The following ABCA4 variants were observed in gnomAD, a reference collection of about 807,000 sequenced individuals.
ABCA4 encodes the protein retinal-specific phospholipid-transporting ATPase ABCA4.
A neutral mutation model predicts 263.7 loss-of-function variants in ABCA4; 196 were observed. The ratio of observed to expected loss-of-function variants is 0.74; its 90% CI spans 0.66 to 0.84. The LOEUF (loss-of-function observed/expected upper bound fraction) is 0.84. ABCA4 is among the 40% of genes least tolerant of loss of function. The pLI is 0.00. For missense variants in ABCA4, 2,792 were observed against 2,855.1 expected, an observed-to-expected ratio of 0.98 and a Z score of 0.50; for synonymous variants, 1,133 against 1,094.2, an observed-to-expected ratio of 1.04 and a Z score of -0.70.
At chr1:94,021,820 C>T in intron 33 of ABCA4, 26 bp downstream of exon 33, 1 of 1,612,798 alleles carries the variant, frequency 6.2e-7, no homozygotes, top group Non-Finnish European at 8.5e-7. Flanking sequence ...AAAAATCCTA[C>T]TCAAATCTCC....
chr1:93,993,139 G>T lies in ABCA4; in HGVS notation c.*98C>A. 3.3e-6 allele frequency: 5 copies of T among 1,516,550 alleles called. No individual in the cohort carries two copies. The highest frequency in any genetic ancestry group is 2.3e-5 in the East Asian group (1 of 44,324). 93.9% of individuals were successfully genotyped at this position (1,516,550 alleles called of 1,614,324 possible). A position where few individuals can be genotyped will look rare whatever the true frequency, so the allele number is the denominator to read the frequency against. On this transcript the variant is annotated 3_prime_UTR_variant, in exon 50 of 50. Coordinates refer to ENST00000370225, the MANE Select transcript of ABCA4 (RefSeq NM_000350.3). ...TTTCTGCTGCAGTGGGGTCATTTACGCTGGCCAGTCCATTTGGATGACCAT... is the reference window on the plus strand; with the variant it reads ...TTTCTGCTGCAGTGGGGTCATTTACTCTGGCCAGTCCATTTGGATGACCAT...
At chr1:94,066,516 A>G (rs1661271401) in intron 11 of ABCA4, among the ~76,000 whole-genome samples, 1 of 152,272 alleles carries the variant, frequency 6.6e-6, no homozygotes, top group Non-Finnish European at 1.5e-5. Flanking sequence ...TGACACACAC[A>G]TAGAATGTTC....
At position 94,021,665 on chromosome 1, in the gene ABCA4, T is replaced by C. The variant is rs151145662; in HGVS notation, c.4823A>G (p.His1608Arg). 7 of 1,612,888 alleles carry C rather than the reference T, an allele frequency of 4.3e-6. No individual in the cohort carries two copies. The highest frequency in any genetic ancestry group is 1.1e-5 in the South Asian group (1 of 90,944). ...CTTAATGTTGTCTTCAGTTTCTAGA[T>C]GTTTAAGGAAATCAGGTATTTCTTT... ...ASKEIPDFLKHLETEDNIKVW... is the reference protein window; with the variant it reads ...ASKEIPDFLKRLETEDNIKVW... The change falls in exon 34 of 50, where the codon CAT (histidine) becomes CGT (arginine). Residue 1608 changes from histidine (H) to arginine (R), a missense_variant. His to Arg is a conservative substitution (Grantham distance 29, BLOSUM62 0). Coordinates refer to ENST00000370225, the MANE Select transcript of ABCA4 (RefSeq NM_000350.3).
chr1:94,103,107 C>A lies in ABCA4; in HGVS notation c.478G>T (p.Glu160Ter), dbSNP rs1064793005. The A allele has an allele frequency of 6.2e-7, 1 of 1,614,002 alleles. No individual in the cohort carries two copies. The highest frequency in any genetic ancestry group is 8.5e-7 in the Non-Finnish European group (1 of 1,179,890). ...ATGAGAAATAGTGTCAGTGTTTCTT[C>A]ATCTTTCAAGATATCCCTTATTCGT... is the stretch of plus-strand genomic sequence containing the variant. ...GIRIRDILKD[E>*]ETLTLFLIKN... The change falls in exon 5 of 50, where the codon GAA becomes TAA. Residue 160 changes from glutamate (E) to a stop codon, truncating the protein, a stop_gained. Transcript: ENST00000370225. LOFTEE classifies it high-confidence loss of function.
chr1:94,053,596 T>C (rs762038052), intron 16 of ABCA4, among the ~76,000 whole-genome samples: 1 of 152,180 alleles, frequency 6.6e-6, no homozygotes, highest in Non-Finnish European at 1.5e-5. Context: ...AAGATGGCCA[T>C]GTAAGACAGG....
chr1:94,099,731 A>G (rs1044773371), intron 5 of ABCA4, among the ~76,000 whole-genome samples: 1 of 152,252 alleles, frequency 6.6e-6, no homozygotes, highest in African/African-American at 2.4e-5. Flanking sequence ...GGGACCGAAT[A>G]GAACACAATT....
intron 6 of ABCA4, among the ~76,000 whole-genome samples, chr1:94,085,083 G>A (rs1266065912): frequency 6.6e-6 from 1 of 152,180 alleles, no homozygotes; most frequent in Non-Finnish European, 1.5e-5. Context: ...GACATGAAAT[G>A]GGTATTAGGT....
chr1:94,078,027 C>T, intron 10 of ABCA4, 140 bp from the exon 11 acceptor site: 1 of 774,502 alleles, frequency 1.3e-6, no homozygotes, highest in Non-Finnish European at 2.1e-6. Flanking sequence ...GCTTGTTCCA[C>T]TATGAAACAT....
chr1:94,038,781 G>T (rs1660410492), intron 24 of ABCA4, among the ~76,000 whole-genome samples: 1 of 152,108 alleles, frequency 6.6e-6, no homozygotes, highest in South Asian at 2.1e-4. Context: ...AGGGCTTTGG[G>T]CATCTGGGAG....
At chr1:94,023,685 T>C (rs1395225626) in intron 31 of ABCA4, among the ~76,000 whole-genome samples, 3 of 152,190 alleles carry the variant, frequency 2.0e-5, no homozygotes, top group Non-Finnish European at 4.4e-5. Context: ...TGTCAGGTCA[T>C]ATGTCAGGTC....
At chr1:94,014,217 G>A (rs1377308620) in intron 38 of ABCA4, among the ~76,000 whole-genome samples, 1 of 151,606 alleles carries the variant, frequency 6.6e-6, no homozygotes. Flanking sequence ...TGGAGGGAGG[G>A]ATGGAGGGAG....
Position 94,023,050 on chromosome 1 carries a change from G to A in ABCA4, c.4667+336C>T, listed in dbSNP as rs958599847. ...AAGCTTAAAAGGAATGGGCCAAGGA[G>A]TGTCCCGGGTTTAGGCTACAAGGCC... On this transcript the variant is annotated intron_variant, in intron 32 of 49. Coordinates refer to ENST00000370225, the MANE Select transcript of ABCA4 (RefSeq NM_000350.3). Among the ~76,000 whole-genome samples the A allele has an allele frequency of 3.3e-5, 5 of 152,214 alleles. No individual in the cohort carries two copies. The East Asian group carries it at 5.8e-4, about 18-fold the overall frequency.
At chr1:93,998,713 A>ATTTATTTTATTTTATTTTATTTTAT (rs374404349) in intron 47 of ABCA4, among the ~76,000 whole-genome samples, 24 of 133,634 alleles carry the variant, frequency 1.8e-4, no homozygotes, top group African/African-American at 6.7e-4. Flanking sequence ...ATTTTATTTT[A>ATTTATTTTATTTTATTTTATTTTAT]TTTATTTTAT....
In ABCA4 at chr1:94,048,976, A is replaced by C. The variant is rs1209618182; in HGVS notation, c.2654-19T>G. On this transcript the variant is annotated intron_variant, in intron 17 of 49. Transcript: ENST00000370225. ...GAACACCCTGCACCAATCAGAAGCC[A>C]GTGTTACTCTACCACCGGGAGCTGA... is the stretch of plus-strand genomic sequence containing the variant. 2 of 1,612,742 alleles carry C rather than the reference A, an allele frequency of 1.2e-6. No homozygotes were observed. Among genetic ancestry groups the C allele is most frequent in the Admixed American group, 3.3e-5 (2 of 59,986 alleles).
Position 94,108,558 on chromosome 1 carries a change from G to C in ABCA4, c.442+19C>G. The C allele has an allele frequency of 6.2e-7, 1 of 1,613,102 alleles. No individual in the cohort carries two copies. The highest frequency in any genetic ancestry group is 8.5e-7 in the Non-Finnish European group (1 of 1,179,810). The stretch of plus-strand genomic sequence containing the variant: ...TAGGTGAGGGAAATGATGCTTGAGA[G>C]CACTGCAGTCATGCTTACCTGCAAT... On this transcript the variant is annotated intron_variant, in intron 4 of 49. Coordinates refer to ENST00000370225, the MANE Select transcript of ABCA4 (RefSeq NM_000350.3).
chr1:94,093,505 C>G (rs550714197), intron 6 of ABCA4, among the ~76,000 whole-genome samples: 1 of 152,368 alleles, frequency 6.6e-6, no homozygotes, highest in East Asian at 1.9e-4. Context: ...TTGGTGCACA[C>G]ATTGTAGGCG....
At chr1:94,039,606 T>C (rs1047533864) in intron 24 of ABCA4, among the ~76,000 whole-genome samples, 2 of 152,170 alleles carry the variant, frequency 1.3e-5, no homozygotes, top group Admixed American at 6.5e-5. Context: ...CAGGGGTGTA[T>C]GCTATTTCCA....
chr1:94,057,186 T>C (rs1008064628), intron 14 of ABCA4, among the ~76,000 whole-genome samples: 2 of 152,222 alleles, frequency 1.3e-5, no homozygotes, highest in African/African-American at 2.4e-5. Flanking sequence ...AAATATTTGC[T>C]TTGTTTTTCT....
intron 26 of ABCA4, among the ~76,000 whole-genome samples, chr1:94,034,743 G>A (rs1025352226): frequency 4.0e-5 from 6 of 151,810 alleles, no homozygotes; most frequent in Non-Finnish European, 7.4e-5. Flanking sequence ...CCCCCCAGAT[G>A]GGGCAGACCC....
Sources: gnomAD v4.1 joint callset for allele counts (sites outside exome capture counted in the v4.1 genomes callset) on GRCh38, gnomAD v4.1.1 for gene constraint, MANE v1.5 for transcripts, NCBI Gene and HGNC (gene_info 2026-07-23, HGNC 2026-07-21) for gene names.